Variants in MEGF11 observed in about 807,000 individuals in gnomAD.
MEGF11 encodes multiple epidermal growth factor-like domains protein 11.
MEGF11 carries 126 observed loss-of-function variants against 146.6 expected under a neutral mutation model. That is an observed-to-expected ratio of 0.86 (90% confidence interval 0.74 to 1.00). The LOEUF is 1.00. Among genes scored for constraint, MEGF11 ranks in the 50% least tolerant of loss-of-function variants. MEGF11 has a pLI of 0.00. For missense variants in MEGF11, 1,509 were observed against 1,521.2 expected (o/e 0.99, Z 0.13); for synonymous variants, 532 against 583.4 (o/e 0.91, Z 1.27).
At chr15:66,179,963 G>A (rs1189972847) in intron 1 of MEGF11, among the ~76,000 whole-genome samples, 2 of 152,068 alleles carry the variant, frequency 1.3e-5, no homozygotes, top group Admixed American at 6.6e-5. Flanking sequence ...CCAAGCCCTC[G>A]ATAGCTGGGA....
intron 8 of MEGF11, among the ~76,000 whole-genome samples, chr15:65,969,784 G>C (rs2141603413): frequency 6.6e-6 from 1 of 152,280 alleles, no homozygotes; most frequent in African/African-American, 2.4e-5. Context: ...CACAGAACCA[G>C]GCATGGGGTG....
intron 5 of MEGF11, among the ~76,000 whole-genome samples, chr15:66,014,219 A>G: frequency 6.6e-6 from 1 of 152,230 alleles, no homozygotes; most frequent in East Asian, 1.9e-4. Flanking sequence ...GGGGACTCCT[A>G]GACTTTGCCA....
At position 66,094,401 on chromosome 15, in the gene MEGF11, C is replaced by A; in HGVS notation, c.394+1G>T. ...TCCTGACCCCCAAACCCCAGACTCA[C>A]CGCTGGAGCAGTCGGGCCCTCCCCA... On this transcript the variant is annotated splice_donor_variant, in intron 5 of 25. Coordinates refer to ENST00000395614, the MANE Select transcript of MEGF11 (RefSeq NM_001385028.1). LOFTEE classifies it high-confidence loss of function. The A allele has an allele frequency of 6.4e-7, 1 of 1,555,194 alleles. No individual in the cohort carries two copies. The highest frequency in any genetic ancestry group is 1.2e-5 in the South Asian group (1 of 84,256).
chr15:66,074,717 A>G (rs1461322797), intron 5 of MEGF11, among the ~76,000 whole-genome samples: 1 of 152,240 alleles, frequency 6.6e-6, no homozygotes, highest in Non-Finnish European at 1.5e-5. Context: ...CTCCAGCTTT[A>G]TTTAAAGTTA....
At chr15:66,102,169 G>A (rs1218134740) in intron 4 of MEGF11, among the ~76,000 whole-genome samples, 4 of 150,494 alleles carry the variant, frequency 2.7e-5, no homozygotes, top group South Asian at 2.1e-4. Context: ...GCTCGTGGCC[G>A]GCTCCTGGTA....
chr15:66,110,984 T>G (rs902984657), intron 4 of MEGF11, among the ~76,000 whole-genome samples: 2 of 151,908 alleles, frequency 1.3e-5, no homozygotes, highest in African/African-American at 4.8e-5. Flanking sequence ...ACCCCACTTC[T>G]CTCTTCTGGC....
At chr15:66,169,627 G>GA (rs2141108436) in intron 1 of MEGF11, among the ~76,000 whole-genome samples, 2 of 152,342 alleles carry the variant, frequency 1.3e-5, no homozygotes, top group Non-Finnish European at 2.9e-5. Context: ...TCTCCTTTGG[G>GA]AAAACTTTCA....
chr15:66,201,171 C>T (rs371726231), intron 1 of MEGF11, among the ~76,000 whole-genome samples: 4 of 152,170 alleles, frequency 2.6e-5, no homozygotes, highest in East Asian at 3.9e-4. Context: ...CCCGTAATTC[C>T]GCAGACCCCA....
At chr15:66,023,804 G>T (rs761470638) in intron 5 of MEGF11, among the ~76,000 whole-genome samples, 2 of 152,252 alleles carry the variant, frequency 1.3e-5, no homozygotes, top group African/African-American at 4.8e-5. Context: ...GTCAGAGAGT[G>T]CCAATCACAG....
chr15:66,177,407 T>C (rs1158635287), intron 1 of MEGF11, among the ~76,000 whole-genome samples: 1 of 152,200 alleles, frequency 6.6e-6, no homozygotes, highest in Admixed American at 6.5e-5. Context: ...TTGTGGTGAC[T>C]ATCTCCTTTT....
intron 1 of MEGF11, among the ~76,000 whole-genome samples, chr15:66,247,114 A>G (rs1413221784): frequency 6.6e-6 from 1 of 152,098 alleles, no homozygotes; most frequent in Admixed American, 6.5e-5. Context: ...TAAGTGCTGG[A>G]GTTTCAGTAT....
chr15:66,050,938 A>C (rs2084423789), intron 5 of MEGF11, among the ~76,000 whole-genome samples: 1 of 152,240 alleles, frequency 6.6e-6, no homozygotes, highest in Non-Finnish European at 1.5e-5. Context: ...CCTGAGTTAA[A>C]AGATAATTAG....
chr15:66,007,614 G>A (rs1012741185), intron 5 of MEGF11, among the ~76,000 whole-genome samples: 1 of 152,166 alleles, frequency 6.6e-6, no homozygotes, highest in African/African-American at 2.4e-5. Flanking sequence ...GCCAAGCATG[G>A]TGGTACGTGC....
Position 65,909,105 on chromosome 15 carries a change from G to C in MEGF11, c.2927C>G (p.Ala976Gly), listed in dbSNP as rs1388230498. 3 of 1,535,636 alleles carry C rather than the reference G, an allele frequency of 2.0e-6. No homozygotes were observed. The highest frequency in any genetic ancestry group is 2.7e-5 in the African/African-American group (2 of 72,972). Reference sequence around the variant, plus strand: ...GTAGAAGTCCTCGGGCGGGTACCTGGCCTCCAGGGCACTGATCTGGAAATG... The same window carrying C: ...GTAGAAGTCCTCGGGCGGGTACCTGCCCTCCAGGGCACTGATCTGGAAATG... ...DSHFQISALE[A>G]RYPPEDFYIE... is the part of the protein sequence containing the mutation. Residue 976 changes from alanine to glycine, a missense_variant, in exon 23 of 26, where the codon GCC (alanine) becomes GGC (glycine). Transcript: ENST00000395614.
chr15:66,078,341 G>A lies in MEGF11; in HGVS notation c.394+16061C>T, dbSNP rs557872566. On this transcript the variant is annotated intron_variant, in intron 5 of 25. Coordinates refer to ENST00000395614, the MANE Select transcript of MEGF11 (RefSeq NM_001385028.1). The stretch of plus-strand genomic sequence containing the variant: ...CTCCTCCACAGCCCTGCATCGTGGC[G>A]GAAACACGCCTGAGTGGAGAGCTCA... Among the ~76,000 whole-genome samples the A allele has an allele frequency of 4.6e-5, 7 of 152,330 alleles. No homozygotes were observed. In the South Asian group the frequency reaches 1.0e-3, roughly 23 times the overall value.
chr15:66,181,191 T>A (rs1217779113), intron 1 of MEGF11, among the ~76,000 whole-genome samples: 1 of 152,238 alleles, frequency 6.6e-6, no homozygotes, highest in Non-Finnish European at 1.5e-5. Context: ...TAAGAATCAA[T>A]GTCTGATTGG....
At chr15:66,084,578 T>C (rs948613592) in intron 5 of MEGF11, among the ~76,000 whole-genome samples, 11 of 152,162 alleles carry the variant, frequency 7.2e-5, no homozygotes, top group Non-Finnish European at 2.9e-5. Context: ...GAGAAGTTTC[T>C]GACTTTACCA....
intron 1 of MEGF11, among the ~76,000 whole-genome samples, chr15:66,222,480 T>C (rs2091760765): frequency 6.6e-6 from 1 of 152,188 alleles, no homozygotes; most frequent in African/African-American, 2.4e-5. Flanking sequence ...ACTATATCTC[T>C]CTGACTCCTT....
At chr15:66,167,969 C>A (rs1210573071) in intron 1 of MEGF11, among the ~76,000 whole-genome samples, 5 of 152,210 alleles carry the variant, frequency 3.3e-5, no homozygotes, top group Admixed American at 1.3e-4. Context: ...TCTGCAGCAG[C>A]CTCCAAGATG....
Sources: allele counts gnomAD v4.1 joint callset (sites outside exome capture counted in the v4.1 genomes callset), GRCh38; gene constraint gnomAD v4.1.1; transcripts MANE v1.5; gene names NCBI Gene and HGNC (gene_info 2026-07-23, HGNC 2026-07-21).